QTMAN: variants seen among roughly 807,000 people sequenced by gnomAD.
QTMAN encodes the protein tRNA-queuosine alpha-mannosyltransferase.
the QTMAN span, among the ~76,000 whole-genome samples, chr2:144,057,399 G>A: frequency 6.6e-6 from 1 of 152,164 alleles, no homozygotes; most frequent in Admixed American, 6.5e-5. Context: ...ATATGCAAGA[G>A]GTAAAGTGCT....
At chr2:144,058,682 T>G in the QTMAN span, among the ~76,000 whole-genome samples, 4 of 150,626 alleles carry the variant, frequency 2.7e-5, no homozygotes, top group Non-Finnish European at 5.9e-5. Flanking sequence ...ACAGGATATA[T>G]CCAGGGACGC....
the QTMAN span, among the ~76,000 whole-genome samples, chr2:143,968,410 C>G: frequency 6.6e-6 from 1 of 152,084 alleles, no homozygotes; most frequent in African/African-American, 2.4e-5. Flanking sequence ...GGAAGCGAAG[C>G]CAAAGTGAGC....
the QTMAN span, chr2:144,332,647 C>G: frequency 1.3e-5 from 2 of 151,534 alleles, no homozygotes; most frequent in Non-Finnish European, 2.9e-5. Context: ...CTGCGCCGCC[C>G]GGACTCCGCT....
chr2:144,307,124 G>A, the QTMAN span, among the ~76,000 whole-genome samples: 1 of 120,964 alleles, frequency 8.3e-6, no homozygotes, highest in African/African-American at 3.3e-5. Flanking sequence ...TCGTGCCACT[G>A]CACTCCAGCC....
the QTMAN span, among the ~76,000 whole-genome samples, chr2:144,125,152 A>T: frequency 6.6e-6 from 1 of 152,100 alleles, no homozygotes; most frequent in Non-Finnish European, 1.5e-5. Flanking sequence ...GACAAGCTCC[A>T]GCCATTAAGA....
chr2:144,313,954 A>C, the QTMAN span, among the ~76,000 whole-genome samples: 1 of 151,952 alleles, frequency 6.6e-6, no homozygotes, highest in Non-Finnish European at 1.5e-5. Flanking sequence ...AAATGGGTAT[A>C]ACCATTTAGG....
the QTMAN span, among the ~76,000 whole-genome samples, chr2:144,122,266 A>C: frequency 2.0e-5 from 3 of 152,226 alleles, no homozygotes; most frequent in South Asian, 2.1e-4. Flanking sequence ...TATGCAATTT[A>C]TAATTAATCT....
the QTMAN span, among the ~76,000 whole-genome samples, chr2:144,280,010 CAAAGAG>C: frequency 6.6e-6 from 1 of 152,074 alleles, no homozygotes; most frequent in Non-Finnish European, 1.5e-5. Context: ...GAACTCAGCA[CAAAGAG>C]AAAATGTTGC....
chr2:144,004,035 T>C, the QTMAN span, among the ~76,000 whole-genome samples: 1 of 152,154 alleles, frequency 6.6e-6, no homozygotes, highest in East Asian at 1.9e-4. Context: ...CTCTCCAGTG[T>C]TCCTTTCTCC....
the QTMAN span, among the ~76,000 whole-genome samples, chr2:144,282,421 T>C: frequency 6.7e-6 from 1 of 149,530 alleles, no homozygotes; most frequent in Admixed American, 6.7e-5. Flanking sequence ...TGGTGAATTA[T>C]ATATTGGTGA....
At chr2:144,246,598 A>AAAAAAAAAAG in the QTMAN span, among the ~76,000 whole-genome samples, 57 of 148,892 alleles carry the variant, frequency 3.8e-4, no homozygotes, top group African/African-American at 1.4e-3. Context: ...AAAAAAAAAA[A>AAAAAAAAAAG]AAAAGAAAAG....
the QTMAN span, chr2:144,208,734 C>T: frequency 6.2e-7 from 1 of 1,613,826 alleles, no homozygotes; most frequent in Non-Finnish European, 8.5e-7. Context: ...GATCCACCAG[C>T]TGTTTATGGG....
At chr2:144,314,488 G>A in the QTMAN span, among the ~76,000 whole-genome samples, 5 of 152,190 alleles carry the variant, frequency 3.3e-5, no homozygotes, top group East Asian at 1.9e-4. Flanking sequence ...CAAGGCTGGC[G>A]GATCATGAGG....
the QTMAN span, among the ~76,000 whole-genome samples, chr2:143,991,620 C>T: frequency 6.8e-6 from 1 of 146,484 alleles, no homozygotes; most frequent in African/African-American, 2.5e-5. Flanking sequence ...GCGCCTCTGC[C>T]CGGCCGCCCC....
chr2:144,027,735 C>T, the QTMAN span, among the ~76,000 whole-genome samples: 1 of 152,206 alleles, frequency 6.6e-6, no homozygotes, highest in African/African-American at 2.4e-5. Flanking sequence ...CACGCACACC[C>T]AGAGACACAC....
At chr2:144,075,777 C>T in the QTMAN span, among the ~76,000 whole-genome samples, 1 of 152,308 alleles carries the variant, frequency 6.6e-6, no homozygotes, top group East Asian at 1.9e-4. Context: ...GTACTGTTTT[C>T]GGCAAGAGCT....
the QTMAN span, among the ~76,000 whole-genome samples, chr2:144,075,514 G>C: frequency 6.6e-6 from 1 of 152,112 alleles, no homozygotes; most frequent in Admixed American, 6.5e-5. Flanking sequence ...TTTTAATATA[G>C]ATGTTTGTGG....
the QTMAN span, among the ~76,000 whole-genome samples, chr2:144,314,373 T>C: frequency 2.0e-5 from 3 of 152,082 alleles, no homozygotes; most frequent in Non-Finnish European, 2.9e-5. Context: ...ATCAGAACAC[T>C]AGCTGTCTGT....
chr2:144,087,218 A>T, the QTMAN span, among the ~76,000 whole-genome samples: 3 of 152,136 alleles, frequency 2.0e-5, no homozygotes, highest in Non-Finnish European at 2.9e-5. Context: ...AAATGTAATG[A>T]CTGAAATGAA....
Sources: allele counts gnomAD v4.1 joint callset (sites outside exome capture counted in the v4.1 genomes callset), GRCh38; gene constraint gnomAD v4.1.1; transcripts MANE v1.5; gene names NCBI Gene and HGNC (gene_info 2026-07-23, HGNC 2026-07-21).